Variants in CDK14 observed in about 807,000 individuals in gnomAD.
The protein encoded by CDK14 is cyclin dependent kinase 14.
A neutral mutation model predicts 60.7 loss-of-function variants in CDK14; 34 were observed. The ratio of observed to expected loss-of-function variants is 0.56; its 90% CI spans 0.43 to 0.75. The LOEUF is 0.75. Among genes scored for constraint, CDK14 ranks in the 30% least tolerant of loss-of-function variants. CDK14 has a pLI of 0.00. For synonymous variants in CDK14, 197 were observed against 203.7 expected, an observed-to-expected ratio of 0.97 and a Z score of 0.28; for missense variants, 482 against 564.1, an observed-to-expected ratio of 0.85 and a Z score of 1.47.
At chr7:90,690,375 T>C (rs180923174) in intron 2 of CDK14, among the ~76,000 whole-genome samples, 1 of 152,276 alleles carries the variant, frequency 6.6e-6, no homozygotes, top group African/African-American at 2.4e-5. Flanking sequence ...GCCCCAGGTT[T>C]CACATCTGTA....
At chr7:91,201,627 C>T (rs1191499922) in intron 14 of CDK14, among the ~76,000 whole-genome samples, 1 of 152,084 alleles carries the variant, frequency 6.6e-6, no homozygotes, top group Non-Finnish European at 1.5e-5. Context: ...CATCGAAGCA[C>T]ACTGAGTGGG....
At chr7:90,752,662 A>G (rs1164082037) in intron 4 of CDK14, among the ~76,000 whole-genome samples, 1 of 152,148 alleles carries the variant, frequency 6.6e-6, no homozygotes, top group South Asian at 2.1e-4. Flanking sequence ...ACTAAAATCA[A>G]TGCAGAACTG....
intron 2 of CDK14, among the ~76,000 whole-genome samples, chr7:90,645,359 T>C (rs1173160215): frequency 7.5e-6 from 1 of 134,138 alleles, no homozygotes; most frequent in South Asian, 2.5e-4. Flanking sequence ...ATGAATGATT[T>C]CTCTTTAAAT....
chr7:91,062,619 T>C (rs1250041444), intron 11 of CDK14, among the ~76,000 whole-genome samples: 1 of 152,196 alleles, frequency 6.6e-6, no homozygotes, highest in Non-Finnish European at 1.5e-5. Flanking sequence ...CTGATGATGC[T>C]AGTTTGCATT....
At chr7:90,911,077 T>A (rs1295611032) in intron 7 of CDK14, among the ~76,000 whole-genome samples, 3 of 152,178 alleles carry the variant, frequency 2.0e-5, no homozygotes, top group Admixed American at 6.6e-5. Context: ...AAAATTCACT[T>A]GTCTGAGGCT....
chr7:90,609,931 T>C (rs1331052232), intron 2 of CDK14, among the ~76,000 whole-genome samples: 5 of 152,228 alleles, frequency 3.3e-5, no homozygotes, highest in Non-Finnish European at 7.3e-5. Flanking sequence ...CATCCCTGAC[T>C]TTCTCGTCTC....
intron 8 of CDK14, among the ~76,000 whole-genome samples, chr7:90,934,890 C>T (rs1226613420): frequency 6.6e-6 from 1 of 152,140 alleles, no homozygotes. Context: ...TAGAATTATT[C>T]GGACTGCCAG....
At chr7:90,724,992 A>G (rs892595199) in intron 2 of CDK14, among the ~76,000 whole-genome samples, 1 of 152,116 alleles carries the variant, frequency 6.6e-6, no homozygotes, top group Non-Finnish European at 1.5e-5. Flanking sequence ...AAATATCTTC[A>G]GCTGTTTTCT....
intron 11 of CDK14, among the ~76,000 whole-genome samples, chr7:91,078,576 C>T (rs1290224443): frequency 6.6e-6 from 1 of 152,014 alleles, no homozygotes; most frequent in East Asian, 1.9e-4. Context: ...CATTGCACTA[C>T]AGCGTGGGCA....
intron 10 of CDK14, among the ~76,000 whole-genome samples, chr7:91,027,444 T>C (rs1285056265): frequency 6.6e-6 from 1 of 152,196 alleles, no homozygotes; most frequent in Non-Finnish European, 1.5e-5. Context: ...TTGGCAGCCA[T>C]ACTTCCTCGG....
intron 11 of CDK14, among the ~76,000 whole-genome samples, chr7:91,076,482 C>T (rs773683406): frequency 2.0e-5 from 3 of 152,124 alleles, no homozygotes; most frequent in Middle Eastern, 6.8e-3. Context: ...TTCCTTACAC[C>T]TTATACAAAA....
chr7:91,081,038 T>A (rs991302397), intron 12 of CDK14, among the ~76,000 whole-genome samples: 13 of 152,226 alleles, frequency 8.5e-5, no homozygotes, highest in Admixed American at 2.6e-4. Context: ...TAAGTCCTTG[T>A]AAGTTTTGCC....
At chr7:90,916,787 A>T (rs1793096482) in intron 7 of CDK14, among the ~76,000 whole-genome samples, 3 of 152,252 alleles carry the variant, frequency 2.0e-5, no homozygotes, top group Admixed American at 2.0e-4. Context: ...TAAGAAGAAT[A>T]TTGGGAAGCC....
intron 2 of CDK14, among the ~76,000 whole-genome samples, chr7:90,675,773 CTG>C (rs1178751207): frequency 6.6e-6 from 1 of 152,134 alleles, no homozygotes; most frequent in Non-Finnish European, 1.5e-5. Flanking sequence ...ACATGCAAAA[CTG>C]AGAGAAAACC....
intron 5 of CDK14, among the ~76,000 whole-genome samples, chr7:90,847,276 G>A (rs1790499949): frequency 6.6e-6 from 1 of 152,088 alleles, no homozygotes; most frequent in Non-Finnish European, 1.5e-5. Flanking sequence ...TAATCACAAA[G>A]AGAAATAGGT....
intron 5 of CDK14, among the ~76,000 whole-genome samples, chr7:90,819,498 T>A (rs558456505): frequency 3.6e-4 from 55 of 151,970 alleles, no homozygotes; most frequent in East Asian, 1.3e-3. Flanking sequence ...TTTTTTTTTT[T>A]AAATTTCATG....
chr7:90,944,919 G>A (rs1794055036), intron 8 of CDK14, among the ~76,000 whole-genome samples: 1 of 152,228 alleles, frequency 6.6e-6, no homozygotes, highest in Non-Finnish European at 1.5e-5. Flanking sequence ...AGTCAGGGAA[G>A]CTTCTGGAGG....
chr7:90,825,109 A>G (rs1383873936), intron 5 of CDK14, among the ~76,000 whole-genome samples: 2 of 152,198 alleles, frequency 1.3e-5, no homozygotes, highest in Admixed American at 1.3e-4. Context: ...GAATCACTTG[A>G]GACCTATTCA....
chr7:91,086,292 A>G (rs1798636930), intron 12 of CDK14, among the ~76,000 whole-genome samples: 2 of 152,214 alleles, frequency 1.3e-5, no homozygotes, highest in South Asian at 4.1e-4. Context: ...AATATCAAAG[A>G]ACATCAAGCA....
Sources: allele counts gnomAD v4.1 joint callset (sites outside exome capture counted in the v4.1 genomes callset), GRCh38; gene constraint gnomAD v4.1.1; transcripts MANE v1.5; gene names NCBI Gene and HGNC (gene_info 2026-07-23, HGNC 2026-07-21).